SLC7A1: variants seen among roughly 807,000 people sequenced by gnomAD.
SLC7A1 encodes high affinity cationic amino acid transporter 1.
A neutral mutation model predicts 53.9 loss-of-function variants in SLC7A1; 10 were observed. The observed-to-expected ratio is 0.19, with a 90% CI of 0.11 to 0.31. The LOEUF (loss-of-function observed/expected upper bound fraction) is 0.31, where lower values mean the gene tolerates loss of function less well. SLC7A1 is among the 10% of genes least tolerant of loss of function. SLC7A1 has a pLI of 1.00. For missense variants in SLC7A1, 525 were observed against 827.2 expected (o/e 0.63, Z 4.48); for synonymous variants, 342 against 338.7 (o/e 1.01, Z -0.11).
At chr13:29,516,633 T>C (rs1883565062) in intron 11 of SLC7A1, among the ~76,000 whole-genome samples, 1 of 152,232 alleles carries the variant, frequency 6.6e-6, no homozygotes, top group Admixed American at 6.5e-5. Context: ...CTTGCCCGTC[T>C]CCAAGGCTTG....
At chr13:29,593,709 C>T (rs990379503) in intron 1 of SLC7A1, among the ~76,000 whole-genome samples, 3 of 152,018 alleles carry the variant, frequency 2.0e-5, no homozygotes, top group African/African-American at 7.2e-5. Flanking sequence ...AGTTCTTCTA[C>T]CAAATAGAAA....
chr13:29,538,237 G>T (rs1566260722), intron 2 of SLC7A1, among the ~76,000 whole-genome samples: 1 of 152,190 alleles, frequency 6.6e-6, no homozygotes, highest in Non-Finnish European at 1.5e-5. Flanking sequence ...AGTTCCGGCA[G>T]TATCACAGGT....
At chr13:29,564,514 A>G (rs1165631120) in intron 1 of SLC7A1, among the ~76,000 whole-genome samples, 1 of 152,240 alleles carries the variant, frequency 6.6e-6, no homozygotes, top group Admixed American at 6.5e-5. Flanking sequence ...ACGATGCTCC[A>G]TTATTTTCAA....
chr13:29,529,759 A>G (rs1869065666), intron 5 of SLC7A1, among the ~76,000 whole-genome samples: 1 of 152,230 alleles, frequency 6.6e-6, no homozygotes, highest in Admixed American at 6.5e-5. Context: ...TTCAGTCTTA[A>G]TGAAGAATCA....
At chr13:29,533,029 G>C in intron 3 of SLC7A1, 47 bp from the exon 4 acceptor site, 1 of 1,556,572 alleles carries the variant, frequency 6.4e-7, no homozygotes, top group Non-Finnish European at 8.7e-7. Context: ...ACAACTGTTA[G>C]CCAGGTATTT....
At chr13:29,537,920 C>T (rs894654522) in intron 2 of SLC7A1, among the ~76,000 whole-genome samples, 1 of 152,208 alleles carries the variant, frequency 6.6e-6, no homozygotes, top group African/African-American at 2.4e-5. Flanking sequence ...CTGCCCACAC[C>T]TTTGCACCCT....
At chr13:29,559,879 A>C (rs953033057) in intron 1 of SLC7A1, among the ~76,000 whole-genome samples, 44 of 152,032 alleles carry the variant, frequency 2.9e-4, no homozygotes, top group Middle Eastern at 3.4e-3. Context: ...CCGCGCCCGG[A>C]TAATTTTTTG....
At chr13:29,567,992 G>C (rs1871041388) in intron 1 of SLC7A1, among the ~76,000 whole-genome samples, 1 of 152,128 alleles carries the variant, frequency 6.6e-6, no homozygotes, top group Non-Finnish European at 1.5e-5. Flanking sequence ...CAGAGGGGCA[G>C]GGTGGGCAGG....
intron 2 of SLC7A1, among the ~76,000 whole-genome samples, chr13:29,542,332 G>A (rs367653188): frequency 6.6e-6 from 1 of 152,224 alleles, no homozygotes; most frequent in South Asian, 2.1e-4. Flanking sequence ...GCAGGCGCCT[G>A]TAATCCCAGC....
chr13:29,571,664 A>G (rs1871197892), intron 1 of SLC7A1, among the ~76,000 whole-genome samples: 1 of 152,230 alleles, frequency 6.6e-6, no homozygotes, highest in Non-Finnish European at 1.5e-5. Context: ...CTATTCCACC[A>G]GAGGGGCGGC....
chr13:29,520,235 T>C (rs1192488297), intron 8 of SLC7A1, among the ~76,000 whole-genome samples: 3 of 152,236 alleles, frequency 2.0e-5, no homozygotes, highest in African/African-American at 4.8e-5. Context: ...GTGCCCATCA[T>C]TGGGTTCTAG....
At chr13:29,543,684 G>C (rs1392589104) in intron 2 of SLC7A1, among the ~76,000 whole-genome samples, 9 of 151,290 alleles carry the variant, frequency 5.9e-5, no homozygotes, top group Non-Finnish European at 7.4e-5. Context: ...GGGATCAGAG[G>C]TTCCGCAGGA....
intron 1 of SLC7A1, among the ~76,000 whole-genome samples, chr13:29,555,662 A>G (rs750320037): frequency 6.6e-5 from 10 of 150,476 alleles, no homozygotes; most frequent in Middle Eastern, 3.5e-3. Context: ...TTAACTCTGG[A>G]AAAAAAAAGG....
At chr13:29,548,295 G>A (rs1159106137) in intron 2 of SLC7A1, among the ~76,000 whole-genome samples, 5 of 152,234 alleles carry the variant, frequency 3.3e-5, no homozygotes. Context: ...GGCACACACG[G>A]TTAGGAGCTA....
intron 5 of SLC7A1, among the ~76,000 whole-genome samples, chr13:29,524,612 G>A (rs1030105014): frequency 6.6e-6 from 1 of 152,170 alleles, no homozygotes; most frequent in African/African-American, 2.4e-5. Context: ...GGGCCCCTCG[G>A]AGGAAGGATG....
At chr13:29,543,529 C>G (rs368932185) in intron 2 of SLC7A1, among the ~76,000 whole-genome samples, 12 of 152,328 alleles carry the variant, frequency 7.9e-5, no homozygotes, top group African/African-American at 2.9e-4. Context: ...CAGAAGTTCC[C>G]AGGGACCTCT....
chr13:29,536,621 T>A (rs1230500140), intron 2 of SLC7A1, among the ~76,000 whole-genome samples: 1 of 152,192 alleles, frequency 6.6e-6, no homozygotes, highest in East Asian at 1.9e-4. Flanking sequence ...AACCAAACCA[T>A]ATCTTAATTT....
At chr13:29,535,009 A>T (rs1476050517) in intron 3 of SLC7A1, among the ~76,000 whole-genome samples, 1 of 152,232 alleles carries the variant, frequency 6.6e-6, no homozygotes, top group Non-Finnish European at 1.5e-5. Context: ...GATGTGTTAC[A>T]GGCCGATGCC....
chr13:29,583,615 T>C (rs1871748580), intron 1 of SLC7A1, among the ~76,000 whole-genome samples: 1 of 152,038 alleles, frequency 6.6e-6, no homozygotes, highest in South Asian at 2.1e-4. Flanking sequence ...TGCAGAGAGC[T>C]TTCACCTCCC....
Sources: gnomAD v4.1 joint callset for allele counts (sites outside exome capture counted in the v4.1 genomes callset) on GRCh38, gnomAD v4.1.1 for gene constraint, MANE v1.5 for transcripts, NCBI Gene and HGNC (gene_info 2026-07-23, HGNC 2026-07-21) for gene names.